The following FAM178B variants were observed in gnomAD, a reference collection of about 807,000 sequenced individuals.
FAM178B encodes family with sequence similarity 178 member B.
Under a neutral mutation model 91.7 loss-of-function variants are expected in FAM178B, and 82 were observed. The ratio of observed to expected loss-of-function variants is 0.89; its 90% CI spans 0.75 to 1.07. The LOEUF is 1.07. Ranked by LOEUF, FAM178B falls within the 50% of genes least tolerant of loss-of-function variation. The pLI, the probability that FAM178B is intolerant of heterozygous loss-of-function variation, is 0.00. For missense variants in FAM178B, 769 were observed against 846.7 expected (o/e 0.91, Z 1.14); for synonymous variants, 368 against 359.4 (o/e 1.02, Z -0.27).
intron 12 of FAM178B, among the ~76,000 whole-genome samples, chr2:96,902,935 T>G (rs1400164876): frequency 6.6e-6 from 1 of 152,254 alleles, no homozygotes; most frequent in Admixed American, 6.5e-5. Flanking sequence ...AAGTCCCTGG[T>G]AATTTCAGAG....
At chr2:96,973,655 A>C (rs2082252946) in intron 1 of FAM178B, among the ~76,000 whole-genome samples, 1 of 152,232 alleles carries the variant, frequency 6.6e-6, no homozygotes, top group African/African-American at 2.4e-5. Context: ...AAAGAAATTC[A>C]AATCAACATG....
At chr2:96,916,150 C>T (rs757235708) in intron 12 of FAM178B, among the ~76,000 whole-genome samples, 2 of 152,164 alleles carry the variant, frequency 1.3e-5, no homozygotes, top group Non-Finnish European at 2.9e-5. Context: ...CCCCAGAAAA[C>T]GATCTAGCTT....
In FAM178B at chr2:96,877,878, AG is replaced by A; in HGVS notation, c.2007+11del. 3 of 1,611,584 alleles carry A rather than the reference AG, an allele frequency of 1.9e-6. No homozygotes were observed. Reference sequence around the variant, plus strand: ...CGCCCCTCCCAGGTCTGGGGGCTAGAGGGGGCACCACCTGGGGCTGGCAGTG... The same window carrying A: ...CGCCCCTCCCAGGTCTGGGGGCTAGAGGGGCACCACCTGGGGCTGGCAGTG... On this transcript the variant is annotated intron_variant, in intron 16 of 16. Coordinates refer to ENST00000490605, the MANE Select transcript of FAM178B (RefSeq NM_001122646.3).
intron 1 of FAM178B, among the ~76,000 whole-genome samples, chr2:96,984,263 T>C (rs965885788): frequency 2.6e-5 from 4 of 152,016 alleles, no homozygotes; most frequent in Non-Finnish European, 5.9e-5. Flanking sequence ...CCTGCCAAAG[T>C]GGTACATAAA....
At chr2:96,880,712 AG>A (rs1451553996) in intron 14 of FAM178B, among the ~76,000 whole-genome samples, 1 of 151,924 alleles carries the variant, frequency 6.6e-6, no homozygotes. Flanking sequence ...GTCCTGCCTC[AG>A]CCTCTGGAAT....
At chr2:96,885,198 C>T (rs1474509786) in intron 14 of FAM178B, among the ~76,000 whole-genome samples, 4 of 152,242 alleles carry the variant, frequency 2.6e-5, no homozygotes, top group Admixed American at 1.3e-4. Context: ...GCAGGACTTC[C>T]GGCTCTGCTG....
chr2:96,919,833 A>C (rs1216452480), intron 12 of FAM178B, among the ~76,000 whole-genome samples: 1 of 152,198 alleles, frequency 6.6e-6, no homozygotes, highest in Admixed American at 6.5e-5. Context: ...TGCCAGCCAG[A>C]TTCCCAGGAA....
intron 12 of FAM178B, among the ~76,000 whole-genome samples, chr2:96,914,350 TGAGG>T (rs933917045): frequency 2.6e-5 from 4 of 151,744 alleles, no homozygotes; most frequent in Admixed American, 6.6e-5. Context: ...CGTGCGGGCA[TGAGG>T]GAGGGTGGGC....
intron 8 of FAM178B, among the ~76,000 whole-genome samples, chr2:96,932,714 G>T (rs2081560480): frequency 6.6e-6 from 1 of 151,660 alleles, no homozygotes; most frequent in African/African-American, 2.4e-5. Context: ...GAGGTGGGTG[G>T]ATCACCTGAG....
chr2:96,953,581 ATT>A (rs2081958377), intron 6 of FAM178B, among the ~76,000 whole-genome samples: 1 of 152,224 alleles, frequency 6.6e-6, no homozygotes, highest in Non-Finnish European at 1.5e-5. Flanking sequence ...CAGAGAAATG[ATT>A]GATTGGCCTC....
Position 96,904,371 on chromosome 2 carries a change from T to TTTTTG in FAM178B, c.1563-1669_1563-1665dup, listed in dbSNP as rs572663197. 1.8e-4 allele frequency among the ~76,000 whole-genome samples: 27 copies of TTTTTG among 151,944 alleles called. No homozygotes were observed. The East Asian group carries it at 2.7e-3, about 15-fold the overall frequency. On this transcript the variant is annotated intron_variant, in intron 12 of 16. Coordinates refer to ENST00000490605, the MANE Select transcript of FAM178B (RefSeq NM_001122646.3). ...AAAAAATGTATCTGCATGGTCTCAT[T>TTTTTG]TTTTGTTTTGTTTTGTTTGAGACAG...
At chr2:96,948,141 A>G (rs919708880) in intron 7 of FAM178B, among the ~76,000 whole-genome samples, 1 of 152,238 alleles carries the variant, frequency 6.6e-6, no homozygotes, top group African/African-American at 2.4e-5. Context: ...ACTCAGGCCC[A>G]GACACCCAGG....
chr2:96,885,139 T>G (rs1422554681), intron 14 of FAM178B, among the ~76,000 whole-genome samples: 1 of 152,212 alleles, frequency 6.6e-6, no homozygotes, highest in African/African-American at 2.4e-5. Flanking sequence ...GGAGCAGGGA[T>G]GAGGCCCATT....
At chr2:96,879,455 A>G (rs2080326269) in intron 14 of FAM178B, among the ~76,000 whole-genome samples, 1 of 152,228 alleles carries the variant, frequency 6.6e-6, no homozygotes, top group African/African-American at 2.4e-5. Context: ...GCAGTGCCCC[A>G]GCAATGGCTG....
chr2:96,975,501 G>A (rs546618969), intron 1 of FAM178B, among the ~76,000 whole-genome samples: 5 of 152,212 alleles, frequency 3.3e-5, no homozygotes, highest in East Asian at 1.9e-4. Context: ...CCTATAATTC[G>A]TAAAGATCAA....
At chr2:96,959,661 C>A (rs1305633060) in intron 6 of FAM178B, among the ~76,000 whole-genome samples, 1 of 152,182 alleles carries the variant, frequency 6.6e-6, no homozygotes, top group Non-Finnish European at 1.5e-5. Flanking sequence ...TGCACTGAAC[C>A]CTGAGGACTT....
At chr2:96,944,829 T>G (rs1210319108) in intron 8 of FAM178B, among the ~76,000 whole-genome samples, 1 of 152,226 alleles carries the variant, frequency 6.6e-6, no homozygotes, top group African/African-American at 2.4e-5. Context: ...GCAGGAGCTC[T>G]CAGACTTTGC....
Position 96,929,186 on chromosome 2 carries a change from G to A in FAM178B, c.1193+20C>T. ...AAAAAATATGAAAGAAAAAGGCAGT[G>A]AGGAAGCAGAAGTACTCACCTGCCA... is the stretch of plus-strand genomic sequence containing the variant. On this transcript the variant is annotated intron_variant, in intron 9 of 16. Coordinates refer to ENST00000490605, the MANE Select transcript of FAM178B (RefSeq NM_001122646.3). The A allele has an allele frequency of 1.4e-6, 2 of 1,470,984 alleles. No individual in the cohort carries two copies. Among genetic ancestry groups the A allele is most frequent in the East Asian group, 4.9e-5 (2 of 40,472 alleles). 91.1% of individuals were successfully genotyped at this position (1,470,984 alleles called of 1,614,324 possible).
chr2:96,907,590 CA>C (rs1322677579), intron 12 of FAM178B, among the ~76,000 whole-genome samples: 8 of 152,384 alleles, frequency 5.2e-5, no homozygotes, highest in African/African-American at 1.9e-4. Context: ...CCCCTCCACC[CA>C]CCAAGGGCCT....
Sources: allele counts gnomAD v4.1 joint callset (sites outside exome capture counted in the v4.1 genomes callset), GRCh38; gene constraint gnomAD v4.1.1; transcripts MANE v1.5; gene names NCBI Gene and HGNC (gene_info 2026-07-23, HGNC 2026-07-21).